DLC1: variants seen among roughly 807,000 people sequenced by gnomAD.
DLC1 encodes rho GTPase-activating protein 7.
In DLC1, 54 loss-of-function variants were observed where a neutral mutation model predicts 140.3. The observed-to-expected ratio is 0.38, with a 90% confidence interval of 0.31 to 0.48. The LOEUF (loss-of-function observed/expected upper bound fraction) is 0.48. Ranked by LOEUF, DLC1 falls within the 20% of genes least tolerant of loss-of-function variation. The probability of loss-of-function intolerance (pLI) is 0.96; values close to 1 mark genes in which losing one functional copy is unlikely to be tolerated. For synonymous variants in DLC1, 986 were observed against 728.1 expected (o/e 1.35, Z -5.70); for missense variants, 2,536 against 1,907.0 (o/e 1.33, Z -6.14).
chr8:13,305,429 A>G (rs1832381099), intron 4 of DLC1, 127 bp from the exon 5 acceptor site: 1 of 924,768 alleles, frequency 1.1e-6, no homozygotes, highest in African/African-American at 1.7e-5. Flanking sequence ...AAAAATTAGC[A>G]TTTTGGAACT....
intron 2 of DLC1, among the ~76,000 whole-genome samples, chr8:13,498,473 A>G (rs528966292): frequency 1.3e-5 from 2 of 152,310 alleles, no homozygotes; most frequent in East Asian, 3.9e-4. Context: ...GTGGCAAGAA[A>G]CAGAGACTAT....
intron 5 of DLC1, among the ~76,000 whole-genome samples, chr8:13,195,652 G>T (rs932025398): frequency 6.6e-6 from 1 of 152,118 alleles, no homozygotes; most frequent in African/African-American, 2.4e-5. Flanking sequence ...TTGCCAATAG[G>T]TAGAAGCCAT....
At chr8:13,255,795 G>T (rs1034255086) in intron 5 of DLC1, among the ~76,000 whole-genome samples, 1 of 152,094 alleles carries the variant, frequency 6.6e-6, no homozygotes, top group Non-Finnish European at 1.5e-5. Flanking sequence ...TACTATCCAC[G>T]CTCGTCTTTG....
intron 12 of DLC1, among the ~76,000 whole-genome samples, chr8:13,094,143 C>G (rs531882278): frequency 3.9e-5 from 6 of 152,158 alleles, no homozygotes; most frequent in Admixed American, 3.9e-4. Flanking sequence ...ATCTTCGTAC[C>G]TGATCTTTAT....
At chr8:13,174,114 T>A (rs940925142) in intron 5 of DLC1, among the ~76,000 whole-genome samples, 1 of 152,138 alleles carries the variant, frequency 6.6e-6, no homozygotes, top group Admixed American at 6.5e-5. Context: ...ACTGTGGTAT[T>A]TGGTTTTCTG....
chr8:13,333,615 C>T (rs1378326803), intron 4 of DLC1, among the ~76,000 whole-genome samples: 1 of 152,184 alleles, frequency 6.6e-6, no homozygotes, highest in Non-Finnish European at 1.5e-5. Flanking sequence ...TGGGAAATGG[C>T]TCTCCTGCTT....
intron 5 of DLC1, among the ~76,000 whole-genome samples, chr8:13,242,077 A>T (rs1473116111): frequency 6.6e-6 from 1 of 152,078 alleles, no homozygotes; most frequent in African/African-American, 2.4e-5. Context: ...TTATAGGTAA[A>T]ACACTCATGC....
At chr8:13,476,760 A>C (rs1008526513) in intron 2 of DLC1, among the ~76,000 whole-genome samples, 1 of 152,200 alleles carries the variant, frequency 6.6e-6, no homozygotes, top group Admixed American at 6.5e-5. Context: ...ACAAATGTTC[A>C]ACGGTAAAAA....
intron 2 of DLC1, among the ~76,000 whole-genome samples, chr8:13,405,170 A>G (rs1171341332): frequency 6.6e-6 from 1 of 151,982 alleles, no homozygotes; most frequent in African/African-American, 2.4e-5. Context: ...CAGACTCAGA[A>G]CTGCATGTGC....
chr8:13,457,923 G>C (rs993553565), intron 2 of DLC1, among the ~76,000 whole-genome samples: 20 of 152,024 alleles, frequency 1.3e-4, no homozygotes, highest in African/African-American at 4.8e-4. Context: ...ATTTATCATT[G>C]ATCCAAATTC....
Position 13,523,628 on chromosome 8 carries a change from C to T in DLC1, c.-125-23432G>A, listed in dbSNP as rs556469705. ...GTAAATAAAATAAGAAGACAAATAC[C>T]TAATTGGCTATTAGATTTAAGAAAG... On this transcript the variant is annotated intron_variant, in intron 1 of 1. Coordinates refer to the DLC1 transcript ENST00000631382. Among the ~76,000 whole-genome samples the T allele has an allele frequency of 1.7e-4, 26 of 152,086 alleles. No individual in the cohort carries two copies. The East Asian group carries it at 5.0e-3, about 29-fold the overall frequency.
intron 15 of DLC1, among the ~76,000 whole-genome samples, chr8:13,089,901 G>C (rs534688688): frequency 6.6e-6 from 1 of 152,288 alleles, no homozygotes; most frequent in East Asian, 1.9e-4. Context: ...AGAGTGCAAA[G>C]GGATTCTGAC....
chr8:13,356,822 C>T (rs1049371843), intron 4 of DLC1, among the ~76,000 whole-genome samples: 2 of 151,660 alleles, frequency 1.3e-5, no homozygotes, highest in Admixed American at 1.3e-4. Flanking sequence ...ATTCCTGGAC[C>T]ACACTTCACT....
At chr8:13,581,915 A>G (rs1805113776) in intron 1 of DLC1, among the ~76,000 whole-genome samples, 1 of 152,202 alleles carries the variant, frequency 6.6e-6, no homozygotes, top group African/African-American at 2.4e-5. Context: ...CATCAAAGGC[A>G]GCTAGGAAAA....
At chr8:13,389,116 A>C (rs1002464479) in intron 4 of DLC1, among the ~76,000 whole-genome samples, 1 of 152,008 alleles carries the variant, frequency 6.6e-6, no homozygotes, top group Admixed American at 6.6e-5. Flanking sequence ...TCCTTCAGTT[A>C]CTTATTTTAC....
At chr8:13,533,835 A>G (rs960047458) in intron 1 of DLC1, among the ~76,000 whole-genome samples, 10 of 152,138 alleles carry the variant, frequency 6.6e-5, no homozygotes, top group African/African-American at 1.9e-4. Flanking sequence ...TGATAGTTCT[A>G]TAAGTGGCAG....
intron 5 of DLC1, among the ~76,000 whole-genome samples, chr8:13,194,478 G>A: frequency 6.6e-6 from 1 of 152,138 alleles, no homozygotes. Flanking sequence ...AGTAAAAGAA[G>A]GCCCTGGTGA....
At chr8:13,320,109 C>T (rs1179392750) in intron 4 of DLC1, among the ~76,000 whole-genome samples, 5 of 152,102 alleles carry the variant, frequency 3.3e-5, no homozygotes, top group Admixed American at 1.3e-4. Flanking sequence ...CCATGCCTGG[C>T]CCATTATTTA....
intron 1 of DLC1, among the ~76,000 whole-genome samples, chr8:13,589,284 A>G (rs1474342359): frequency 1.3e-5 from 2 of 152,120 alleles, no homozygotes; most frequent in Admixed American, 6.6e-5. Context: ...ATTGTTGAAA[A>G]TGCTATTAGA....
Sources: gnomAD v4.1 joint callset for allele counts (sites outside exome capture counted in the v4.1 genomes callset) on GRCh38, gnomAD v4.1.1 for gene constraint, MANE v1.5 for transcripts, NCBI Gene and HGNC (gene_info 2026-07-23, HGNC 2026-07-21) for gene names.